Variants in OSBP2 observed in about 807,000 individuals in gnomAD.
OSBP2 encodes the protein oxysterol-binding protein 2.
Under a neutral mutation model 96.0 loss-of-function variants are expected in OSBP2, and 66 were observed. The observed-to-expected ratio is 0.69, with a 90% CI of 0.56 to 0.84. OSBP2 has a LOEUF of 0.84. Ranked by LOEUF, OSBP2 falls within the 40% of genes least tolerant of loss-of-function variation. OSBP2 has a pLI of 0.00. For synonymous variants in OSBP2, 525 were observed against 520.9 expected (o/e 1.01, Z -0.11); for missense variants, 1,038 against 1,222.7 (o/e 0.85, Z 2.25).
upstream of OSBP2, chr22:30,694,242 G>C: frequency 1.3e-6 from 2 of 1,549,800 alleles, no homozygotes; most frequent in Non-Finnish European, 1.7e-6. Flanking sequence ...GCAGCGAAGC[G>C]CCTTGGCATG....
intron 12 of OSBP2, chr22:30,902,126 GAA>G (rs35391426): frequency 8.3e-6 from 1 of 120,614 alleles, no homozygotes; most frequent in Non-Finnish European, 1.3e-5. Flanking sequence ...AAAAAAAAAC[GAA>G]AAAAAAAAAA....
intron 2 of OSBP2, among the ~76,000 whole-genome samples, chr22:30,864,339 GGGAGCCTGAGGGCCCCA>G (rs1440226788): frequency 6.6e-6 from 1 of 152,174 alleles, no homozygotes; most frequent in Non-Finnish European, 1.5e-5. Flanking sequence ...GCCCAAAGGA[GGGAGCCTGAGGGCCCCA>G]GGCACTGTAC....
chr22:30,712,970 G>C (rs1315679387), intron 1 of OSBP2, among the ~76,000 whole-genome samples: 3 of 151,818 alleles, frequency 2.0e-5, no homozygotes, highest in African/African-American at 7.3e-5. Flanking sequence ...TGGTACAGTG[G>C]CACCATCACG....
chr22:30,824,543 G>A (rs887659983), intron 2 of OSBP2, among the ~76,000 whole-genome samples: 2 of 152,222 alleles, frequency 1.3e-5, no homozygotes, highest in Middle Eastern at 3.4e-3. Flanking sequence ...TAGGGGTTGC[G>A]GGAAGCCTAG....
chr22:30,881,896 G>A lies in OSBP2; in HGVS notation c.1108-5530G>A, dbSNP rs2039711842. 1.8e-6 allele frequency: 2 copies of A among 1,124,144 alleles called. No individual in the cohort carries two copies. The highest frequency in any genetic ancestry group is 2.4e-6 in the Non-Finnish European group (2 of 839,356). The allele number at this position is 1,124,144 out of a possible 1,614,324, so 69.6% of individuals were successfully genotyped here. A position where few individuals can be genotyped will look rare whatever the true frequency, so the allele number is the denominator to read the frequency against. ...TGCTGTGGGGGTAAAGGTCTTGGGT[G>A]CAGCCACATGAGGCCTTTGATATTA... On this transcript the variant is annotated intron_variant, in intron 3 of 13. Transcript: ENST00000332585. The surrounding 1 kb of genome is among the most constrained non-coding windows in gnomAD (Gnocchi z 4.5).
chr22:30,740,599 G>T (rs1467932725), intron 1 of OSBP2, among the ~76,000 whole-genome samples: 3 of 152,176 alleles, frequency 2.0e-5, no homozygotes, highest in African/African-American at 7.2e-5. Context: ...TTGGAGGTTA[G>T]AAGCAAGATG....
In OSBP2 at chr22:30,905,997, G is replaced by T; in HGVS notation, c.2536G>T (p.Glu846Ter). The change falls in exon 13 of 14, where the codon GAG (glutamate) becomes TAG (stop). Residue 846 changes from glutamate (E) to a stop codon, truncating the protein, a stop_gained. Coordinates refer to ENST00000332585, the MANE Select transcript of OSBP2 (RefSeq NM_030758.4). LOFTEE classifies it high-confidence loss of function. ...CAATACCGAGAAGCAGCGGCTGGAG[G>T]AGAAGCAGCGCCTGTCGCGGCGCCG... ...EANTEKQRLE[E>*]KQRLSRRRRL... 1.3e-6 allele frequency: 2 copies of T among 1,595,854 alleles called. No homozygotes were observed. Among genetic ancestry groups the T allele is most frequent in the South Asian group, 2.2e-5 (2 of 89,386 alleles).
intron 2 of OSBP2, among the ~76,000 whole-genome samples, chr22:30,749,161 T>C (rs1204895431): frequency 1.3e-5 from 2 of 152,292 alleles, no homozygotes; most frequent in East Asian, 3.9e-4. Context: ...TTACAAAGGC[T>C]GGTGATTAAC....
chr22:30,876,145 A>G (rs1461760560), intron 3 of OSBP2, among the ~76,000 whole-genome samples: 7 of 152,240 alleles, frequency 4.6e-5, no homozygotes, highest in African/African-American at 1.7e-4. Context: ...CAGACACAGA[A>G]TGGGAAGTAG....
At chr22:30,812,824 T>C (rs1297961489) in intron 2 of OSBP2, among the ~76,000 whole-genome samples, 1 of 152,238 alleles carries the variant, frequency 6.6e-6, no homozygotes, top group African/African-American at 2.4e-5. Flanking sequence ...AGGCATTTCC[T>C]TGCTCTATTT....
At chr22:30,751,266 G>A (rs1602214084) in intron 2 of OSBP2, among the ~76,000 whole-genome samples, 1 of 151,946 alleles carries the variant, frequency 6.6e-6, no homozygotes, top group African/African-American at 2.4e-5. Flanking sequence ...CTGTGCCAGG[G>A]GCCATGGTCA....
intron 12 of OSBP2, among the ~76,000 whole-genome samples, chr22:30,903,331 GGCACCTT>G (rs2040256948): frequency 6.6e-6 from 1 of 152,254 alleles, no homozygotes; most frequent in African/African-American, 2.4e-5. Flanking sequence ...GAGAATTGGA[GGCACCTT>G]GTTTTCACAA....
At chr22:30,876,317 G>A (rs183771725) in intron 3 of OSBP2, among the ~76,000 whole-genome samples, 37 of 152,280 alleles carry the variant, frequency 2.4e-4, no homozygotes, top group African/African-American at 8.9e-4. Flanking sequence ...ATCCTTCCTG[G>A]GCCTCTGGAC....
intron 2 of OSBP2, chr22:30,803,035 C>T: frequency 1.2e-5 from 2 of 170,256 alleles, no homozygotes; most frequent in South Asian, 2.2e-4. Flanking sequence ...CTCGGAGAGG[C>T]GGTGGCAGCC....
At chr22:30,891,804 T>G (rs1325825620) in intron 8 of OSBP2, among the ~76,000 whole-genome samples, 1 of 152,132 alleles carries the variant, frequency 6.6e-6, no homozygotes. Flanking sequence ...TAGCAGACAT[T>G]AGGTGCCCTC....
At chr22:30,792,837 G>T (rs1196210043) in intron 2 of OSBP2, among the ~76,000 whole-genome samples, 1 of 152,194 alleles carries the variant, frequency 6.6e-6, no homozygotes, top group Non-Finnish European at 1.5e-5. Context: ...TAACACTGGG[G>T]AGGTGGTCTG....
chr22:30,887,445 A>T lies in OSBP2; in HGVS notation c.1127A>T (p.Glu376Val), dbSNP rs2039836683. The change falls in exon 4 of 14, where the codon GAA becomes GTA. Residue 376 changes from glutamate (E) to valine (V), a missense_variant. Transcript: ENST00000332585. ...CCCCAGGCCTGCAGGGACTTCTTGG[A>T]ACTAGCAGAGATACACAGTCGGAAA... ...AMINACRDFL[E>V]LAEIHSRKWQ... The T allele has an allele frequency of 1.2e-6, 2 of 1,613,566 alleles. No individual in the cohort carries two copies. The highest frequency in any genetic ancestry group is 1.3e-5 in the African/African-American group (1 of 74,916).
chr22:30,741,770 G>C (rs2089940397), intron 2 of OSBP2, among the ~76,000 whole-genome samples: 2 of 152,074 alleles, frequency 1.3e-5, no homozygotes, highest in Admixed American at 6.6e-5. Context: ...TTGCCTATTA[G>C]GGAAGCCCGC....
rs200487775 is a variant in OSBP2, at chr22:30,840,313, A to G, written c.854-30116A>G. Among the ~76,000 whole-genome samples the G allele has an allele frequency of 2.5e-4, 37 of 149,362 alleles. 1 individual carries two copies. Among genetic ancestry groups the G allele is most frequent in the African/African-American group, 8.2e-4 (32 of 39,186 alleles). ...TTATTAAATAAACCTGTTAAAAAAA[A>G]AAAGAAAAAGGAAAAAAAAAAAGAA... On this transcript the variant is annotated intron_variant, in intron 2 of 13. Transcript: ENST00000332585.
Sources: allele counts gnomAD v4.1 joint callset (sites outside exome capture counted in the v4.1 genomes callset), GRCh38; gene constraint gnomAD v4.1.1; non-coding constraint Gnocchi (gnomAD v3.1); transcripts MANE v1.5; gene names NCBI Gene and HGNC (gene_info 2026-07-23, HGNC 2026-07-21).